MGAT4B: variants seen among roughly 807,000 people sequenced by gnomAD.
The protein encoded by MGAT4B is alpha-1,3-mannosyl-glycoprotein 4-beta-N-acetylglucosaminyltransferase B.
In MGAT4B, 38 loss-of-function variants were observed where a neutral mutation model predicts 73.9. That is an observed-to-expected ratio of 0.51 (90% CI 0.40 to 0.67). MGAT4B has a LOEUF of 0.67. Among genes scored for constraint, MGAT4B ranks in the 30% least tolerant of loss-of-function variants. The pLI is 0.00. For synonymous variants in MGAT4B, 373 were observed against 313.5 expected, an observed-to-expected ratio of 1.19 and a Z score of -2.01; for missense variants, 686 against 735.2, an observed-to-expected ratio of 0.93 and a Z score of 0.77.
In MGAT4B at chr5:179,806,182, A is replaced by C; in HGVS notation, c.97+305T>G. 1 of 156,006 alleles carries C rather than the reference A, an allele frequency of 6.4e-6. No individual in the cohort carries two copies. Among genetic ancestry groups the C allele is most frequent in the Non-Finnish European group, 1.4e-5 (1 of 70,980 alleles). The allele number at this position is 156,006 out of a possible 1,614,324, so 9.7% of individuals were successfully genotyped here. A position where few individuals can be genotyped will look rare whatever the true frequency, so the allele number is the denominator to read the frequency against. Reference sequence around the variant, plus strand: ...AGGTGGCTGTGGCTGGCGTTCCGGGACCTCTGTGACCTTGGGTCTCTGCCC... The same window carrying C: ...AGGTGGCTGTGGCTGGCGTTCCGGGCCCTCTGTGACCTTGGGTCTCTGCCC... On this transcript the variant is annotated intron_variant, in intron 1 of 14. Coordinates refer to ENST00000292591, the MANE Select transcript of MGAT4B (RefSeq NM_014275.5). The surrounding 1 kb of genome is among the most constrained non-coding windows in gnomAD (Gnocchi z 4.6).
At position 179,799,639 on chromosome 5, in the gene MGAT4B, G is replaced by A. The variant is rs201611873; in HGVS notation, c.911-3C>T. The A allele has an allele frequency of 2.2e-4, 361 of 1,613,518 alleles. No homozygotes were observed. In the African/African-American group the frequency reaches 4.2e-3, roughly 19 times the overall value. On this transcript the variant is annotated splice_region_variant and splice_polypyrimidine_tract_variant and intron_variant, in intron 8 of 14. Transcript: ENST00000292591. The stretch of plus-strand genomic sequence containing the variant: ...GTCCAGCGACTTGAACATCTTACCT[G>A]GTGGGGAGGGGCCTGAGTGGGCAGT...
chr5:179,799,774 T>A, intron 8 of MGAT4B, 138 bp from the exon 9 acceptor site: 2 of 1,361,788 alleles, frequency 1.5e-6, no homozygotes, highest in Non-Finnish European at 2.1e-6. Context: ...GGCAGACAGG[T>A]GATGAGGGCA....
Position 179,800,966 on chromosome 5 carries a change from C to T in MGAT4B, c.559-13G>A. The T allele has an allele frequency of 6.2e-7, 1 of 1,613,820 alleles. No individual in the cohort carries two copies. The highest frequency in any genetic ancestry group is 8.5e-7 in the Non-Finnish European group (1 of 1,179,920). On this transcript the variant is annotated splice_polypyrimidine_tract_variant and intron_variant, in intron 4 of 14. Coordinates refer to ENST00000292591, the MANE Select transcript of MGAT4B (RefSeq NM_014275.5). ...ACTGTGAGTCAGTCTGTGGGGAGACCAAGCACCCTCCCTTAGCCCTGCTGC... is the reference window on the plus strand; with the variant it reads ...ACTGTGAGTCAGTCTGTGGGGAGACTAAGCACCCTCCCTTAGCCCTGCTGC...
At position 179,801,223 on chromosome 5, in the gene MGAT4B, A is replaced by G; in HGVS notation, c.558+111T>C. On this transcript the variant is annotated intron_variant, in intron 4 of 14. Transcript: ENST00000292591. The surrounding 1 kb of genome is among the most constrained non-coding windows in gnomAD (Gnocchi z 4.8). The stretch of plus-strand genomic sequence containing the variant: ...CTATCTCGGAGCATTTGCGAATGAA[A>G]CTAGCAACTGAACTTCCGACAGCTT... 7.0e-7 allele frequency: 1 copy of G among 1,419,690 alleles called. No individual in the cohort carries two copies. Among genetic ancestry groups the G allele is most frequent in the Non-Finnish European group, 9.4e-7 (1 of 1,068,112 alleles). 87.9% of individuals were successfully genotyped at this position (1,419,690 alleles called of 1,614,324 possible).
Position 179,801,860 on chromosome 5 carries a change from G to T in MGAT4B, c.207C>A (p.Asp69Glu). 6.2e-7 allele frequency: 1 copy of T among 1,611,602 alleles called. No individual in the cohort carries two copies. Among genetic ancestry groups the T allele is most frequent in the African/African-American group, 1.3e-5 (1 of 74,946 alleles). ...TTTCTGACACGGCCCTCTTGATCTC[G>T]TCCAGCACCAGGTTGAGCTCCTTGG... ...KRSKELNLVLDEIKRAVSERQ... is the reference protein window; with the variant it reads ...KRSKELNLVLEEIKRAVSERQ... The change falls in exon 2 of 15, where the codon GAC becomes GAA. Residue 69 changes from aspartate to glutamate, a missense_variant. Physicochemically the swap from Asp to Glu is conservative, Grantham distance 45. Transcript: ENST00000292591. This position sits in a 1 kb window ranked among gnomAD's most constrained non-coding sequence, Gnocchi z 4.8.
At position 179,800,481 on chromosome 5, in the gene MGAT4B, T is replaced by G. The variant is rs1404223500; in HGVS notation, c.719+3A>C. ...GCTGAGGGTATGGGGGAGTAACTAG[T>G]ACCTGACTCTCTCCTTGGGGTCCCC... On this transcript the variant is annotated splice_donor_region_variant and intron_variant, in intron 6 of 14. Coordinates refer to ENST00000292591, the MANE Select transcript of MGAT4B (RefSeq NM_014275.5). 9 of 1,587,830 alleles carry G rather than the reference T, an allele frequency of 5.7e-6. No homozygotes were observed. Among genetic ancestry groups the G allele is most frequent in the Non-Finnish European group, 7.7e-6 (9 of 1,162,760 alleles).
At chr5:179,803,432 G>T in intron 1 of MGAT4B, 1 of 220,360 alleles carries the variant, frequency 4.5e-6, no homozygotes, top group Non-Finnish European at 7.7e-6. Context: ...GGTGACACCA[G>T]GTGTAGGCAG....
chr5:179,804,248 T>G (rs12652934), intron 1 of MGAT4B, among the ~76,000 whole-genome samples: 70,263 of 152,180 alleles, frequency 0.46, 18,024 homozygotes, highest in South Asian at 0.63. Context: ...CAGAGGGGCA[T>G]AGGCAGATAT....
intron 13 of MGAT4B, 33 bp downstream of exon 13, chr5:179,798,314 C>A: frequency 6.2e-7 from 1 of 1,612,890 alleles, no homozygotes; most frequent in South Asian, 1.1e-5. Flanking sequence ...GTCCCTGAAC[C>A]CCAGCCCACG....
chr5:179,799,359 C>A, intron 9 of MGAT4B, 49 bp from the exon 10 acceptor site: 1 of 1,605,676 alleles, frequency 6.2e-7, no homozygotes, highest in South Asian at 1.1e-5. Context: ...CCTCCTTCCT[C>A]AACACGGCCT....
chr5:179,800,009 C>T lies in MGAT4B; in HGVS notation c.855G>A (p.Leu285=). The T allele has an allele frequency of 6.2e-7, 1 of 1,614,036 alleles. No individual in the cohort carries two copies. Among genetic ancestry groups the T allele is most frequent in the Non-Finnish European group, 8.5e-7 (1 of 1,180,014 alleles). ...TCATCCAGTCCTCTGAAGGCTGCTGCAGTGCAAAGTTCTTCATGGTGCTCA... is the reference window on the plus strand; with the variant it reads ...TCATCCAGTCCTCTGAAGGCTGCTGTAGTGCAAAGTTCTTCATGGTGCTCA... The part of the protein sequence containing the change: ...NYLSTMKNFA[L]QQPSEDWMIL... Residue 285 remains leucine, a synonymous_variant, in exon 8 of 15, where the codon CTG becomes CTA. Coordinates refer to ENST00000292591, the MANE Select transcript of MGAT4B (RefSeq NM_014275.5).
intron 1 of MGAT4B, 118 bp from the exon 2 acceptor site, chr5:179,802,087 T>C: frequency 1.3e-6 from 2 of 1,573,180 alleles, no homozygotes; most frequent in East Asian, 4.5e-5. Context: ...TTGACATCTG[T>C]TCTTGTGCCT....
intron 9 of MGAT4B, 31 bp downstream of exon 9, chr5:179,799,475 G>T: frequency 6.2e-7 from 1 of 1,612,890 alleles, no homozygotes; most frequent in Non-Finnish European, 8.5e-7. Context: ...CCTTGGCCCT[G>T]CCCCTGCCAG....
rs895962357 is a variant in MGAT4B, at chr5:179,797,859, C to T, written c.*186G>A. The T allele has an allele frequency of 4.0e-5, 31 of 779,328 alleles. No individual in the cohort carries two copies. In the East Asian group the frequency reaches 4.2e-4, roughly 11 times the overall value. 48.3% of individuals were successfully genotyped at this position (779,328 alleles called of 1,614,324 possible). On this transcript the variant is annotated 3_prime_UTR_variant, in exon 15 of 15. Transcript: ENST00000292591. ...GCCGCCTGCCTCCTCCGCGGCCCGGCGGGCGGGGGCAGCACCAGCTCCTAG... is the reference window on the plus strand; with the variant it reads ...GCCGCCTGCCTCCTCCGCGGCCCGGTGGGCGGGGGCAGCACCAGCTCCTAG...
At position 179,806,509 on chromosome 5, in the gene MGAT4B, G is replaced by C; in HGVS notation, c.75C>G (p.Tyr25Ter). The C allele has an allele frequency of 7.5e-7, 1 of 1,327,408 alleles. No homozygotes were observed. Among genetic ancestry groups the C allele is most frequent in the Non-Finnish European group, 9.9e-7 (1 of 1,013,416 alleles). The allele number at this position is 1,327,408 out of a possible 1,614,324, so 82.2% of individuals were successfully genotyped here. ...CACCTTTCTGGCCGCTGAGTGCCGCGTACCAGGACAGCGAGAGGAAGGCGC... is the reference window on the plus strand; with the variant it reads ...CACCTTTCTGGCCGCTGAGTGCCGCCTACCAGGACAGCGAGAGGAAGGCGC... ...CLCAFLSLSW[Y>*]AALSGQKGDV... Residue 25 changes from tyrosine (Y) to a stop codon, truncating the protein, a stop_gained, in exon 1 of 15, where the codon TAC becomes TAG. Transcript: ENST00000292591. LOFTEE classifies it high-confidence loss of function. This position sits in a 1 kb window ranked among gnomAD's most constrained non-coding sequence, Gnocchi z 4.6.
At position 179,801,916 on chromosome 5, in the gene MGAT4B, G is replaced by GCAAC; in HGVS notation, c.147_150dup (p.His51ValfsTer5). The GCAAC allele has an allele frequency of 6.2e-7, 1 of 1,613,336 alleles. No individual in the cohort carries two copies. The highest frequency in any genetic ancestry group is 2.2e-5 in the East Asian group (1 of 44,864). On this transcript the variant is annotated frameshift_variant, in exon 2 of 15. Transcript: ENST00000292591. LOFTEE classifies it high-confidence loss of function. The surrounding 1 kb of genome is among the most constrained non-coding windows in gnomAD (Gnocchi z 4.8). Reference sequence around the variant, plus strand: ...TTGAGGCTCTCCTGCTCAGCTGCGTGCAACCGATCGCGCAGCGCCAGGAAC... The same window carrying GCAAC: ...TTGAGGCTCTCCTGCTCAGCTGCGTGCAACCAACCGATCGCGCAGCGCCAGGAAC...
At chr5:179,800,281 C>A in intron 6 of MGAT4B, 22 bp from the exon 7 acceptor site, 1 of 1,612,508 alleles carries the variant, frequency 6.2e-7, no homozygotes, top group Non-Finnish European at 8.5e-7. Flanking sequence ...GGCGGGGCCT[C>A]AGAAGTTCAG....
In MGAT4B at chr5:179,801,606, G is replaced by C; in HGVS notation, c.372C>G (p.Ala124=). Residue 124 remains alanine, a synonymous_variant, in exon 3 of 15, where the codon GCC becomes GCG. Transcript: ENST00000292591. This position sits in a 1 kb window ranked among gnomAD's most constrained non-coding sequence, Gnocchi z 4.8. ...CCGCGGGCTGCAGACTGCTCTCCTTGGCCAGCAGGTGTGGCAGGTGATGGA... is the reference window on the plus strand; with the variant it reads ...CCGCGGGCTGCAGACTGCTCTCCTTCGCCAGCAGGTGTGGCAGGTGATGGA... ...TVFHHLPHLL[A]KESSLQPAVR... is the part of the protein sequence containing the mutation. 1 of 1,607,824 alleles carries C rather than the reference G, an allele frequency of 6.2e-7. No homozygotes were observed. Among genetic ancestry groups the C allele is most frequent in the South Asian group, 1.1e-5 (1 of 90,074 alleles).
At chr5:179,804,145 G>T (rs1396188240) in intron 1 of MGAT4B, among the ~76,000 whole-genome samples, 2 of 152,238 alleles carry the variant, frequency 1.3e-5, no homozygotes, top group East Asian at 3.9e-4. Context: ...ACAAACCACA[G>T]TTCCCCCTGC....
Sources: allele counts gnomAD v4.1 joint callset (sites outside exome capture counted in the v4.1 genomes callset), GRCh38; gene constraint gnomAD v4.1.1; non-coding constraint Gnocchi (gnomAD v3.1); transcripts MANE v1.5; gene names NCBI Gene and HGNC (gene_info 2026-07-23, HGNC 2026-07-21).